ASTN2: variants seen among roughly 807,000 people sequenced by gnomAD.
ASTN2 encodes the protein astrotactin 2.
In ASTN2, 54 loss-of-function variants were observed where a neutral mutation model predicts 139.8. The ratio of observed to expected loss-of-function variants is 0.39; its 90% CI spans 0.31 to 0.48. ASTN2 has a LOEUF of 0.48. ASTN2 is among the 20% of genes least tolerant of loss of function. The pLI is 0.95. For synonymous variants in ASTN2, 756 were observed against 719.5 expected (o/e 1.05, Z -0.81); for missense variants, 1,565 against 1,725.1 (o/e 0.91, Z 1.64).
At chr9:116,612,009 T>C (rs907511804) in intron 19 of ASTN2, 2 of 152,170 alleles carry the variant, frequency 1.3e-5, no homozygotes, top group African/African-American at 4.8e-5. Flanking sequence ...GGTTGTTTTA[T>C]AATATGAAAA....
chr9:116,948,056 T>TA (rs1483400295), intron 10 of ASTN2, among the ~76,000 whole-genome samples: 2 of 152,256 alleles, frequency 1.3e-5, no homozygotes, highest in Admixed American at 6.5e-5. Context: ...GTTCAGGACT[T>TA]ACGTCTTCAG....
chr9:117,091,570 GA>G (rs1403970546), intron 5 of ASTN2, among the ~76,000 whole-genome samples: 2 of 149,182 alleles, frequency 1.3e-5, no homozygotes, highest in African/African-American at 4.8e-5. Context: ...GGTCTCACGT[GA>G]TGGGGGGGCA....
intron 19 of ASTN2, among the ~76,000 whole-genome samples, chr9:116,507,763 T>A (rs1459637725): frequency 6.6e-6 from 1 of 152,214 alleles, no homozygotes; most frequent in Non-Finnish European, 1.5e-5. Context: ...GCAAACTCGA[T>A]CCTCAGGTCC....
At chr9:116,810,683 G>A (rs528807282) in intron 12 of ASTN2, among the ~76,000 whole-genome samples, 1 of 152,088 alleles carries the variant, frequency 6.6e-6, no homozygotes, top group African/African-American at 2.4e-5. Flanking sequence ...GCATATATTT[G>A]CTCAGTTTGG....
intron 20 of ASTN2, among the ~76,000 whole-genome samples, chr9:116,459,681 C>G (rs963897700): frequency 1.3e-5 from 2 of 151,796 alleles, no homozygotes; most frequent in African/African-American, 4.8e-5. Flanking sequence ...TAGGAGAATG[C>G]AAATAAAAAC....
At chr9:117,286,830 C>A (rs931477967) in intron 2 of ASTN2, among the ~76,000 whole-genome samples, 1 of 152,070 alleles carries the variant, frequency 6.6e-6, no homozygotes, top group Non-Finnish European at 1.5e-5. Flanking sequence ...GACATGATAA[C>A]CCTCACTATA....
chr9:116,442,549 T>A lies in ASTN2; in HGVS notation c.3502A>T (p.Thr1168Ser). 1 of 1,613,862 alleles carries A rather than the reference T, an allele frequency of 6.2e-7. No individual in the cohort carries two copies. Among genetic ancestry groups the A allele is most frequent in the Non-Finnish European group, 8.5e-7 (1 of 1,179,924 alleles). ...CCTCGTGTATCCACAGCATACAGAG[T>A]GAACCTGCAGCACAGCAAGAAAACA... Reference protein sequence around the residue: ...CLEPDGLYKFTLYAVDTRGRH... With the variant: ...CLEPDGLYKFSLYAVDTRGRH... The change falls in exon 21 of 23, where the codon ACT (threonine) becomes TCT (serine). Residue 1168 changes from threonine (T) to serine (S), a missense_variant. By Grantham distance (58) the Thr-to-Ser change is moderately conservative. This residue lies in a region of ASTN2 where 418 missense variants were observed against 465.8 expected (regional missense o/e 0.90). Transcript: ENST00000313400.
intron 5 of ASTN2, among the ~76,000 whole-genome samples, chr9:117,063,018 T>G (rs1326635704): frequency 6.6e-6 from 1 of 152,194 alleles, no homozygotes; most frequent in Admixed American, 6.5e-5. Context: ...CCTCGGAAGC[T>G]AACCAACCTG....
At chr9:117,116,630 TTCTGGAAGGCAAC>T (rs2132801595) in intron 4 of ASTN2, among the ~76,000 whole-genome samples, 1 of 151,504 alleles carries the variant, frequency 6.6e-6, no homozygotes, top group East Asian at 1.9e-4. Context: ...AGAATGGTGA[TTCTGGAAGGCAAC>T]AGTGGAAGCT....
chr9:117,232,556 G>A (rs566095348), intron 2 of ASTN2, among the ~76,000 whole-genome samples: 1 of 152,124 alleles, frequency 6.6e-6, no homozygotes, highest in Admixed American at 6.5e-5. Flanking sequence ...ACCCATTTTT[G>A]CCAAGTCCTC....
chr9:116,471,361 T>C (rs1477590366), intron 20 of ASTN2, among the ~76,000 whole-genome samples: 2 of 152,144 alleles, frequency 1.3e-5, no homozygotes, highest in African/African-American at 4.8e-5. Flanking sequence ...AATCTGTGAA[T>C]GTTTCCCAGA....
chr9:117,384,142 G>A (rs1046520684), intron 1 of ASTN2, among the ~76,000 whole-genome samples: 9 of 152,136 alleles, frequency 5.9e-5, no homozygotes, highest in African/African-American at 1.4e-4. Context: ...GCGGGGTTGC[G>A]TGACTGCAAA....
intron 19 of ASTN2, among the ~76,000 whole-genome samples, chr9:116,606,460 G>C (rs1855211775): frequency 6.6e-6 from 1 of 152,164 alleles, no homozygotes; most frequent in African/African-American, 2.4e-5. Context: ...AGAGAGATCT[G>C]TGTAAGCACC....
At chr9:117,116,834 CAAAAAAAAAAAA>C (rs72075422) in intron 4 of ASTN2, among the ~76,000 whole-genome samples, 6 of 45,192 alleles carry the variant, frequency 1.3e-4, no homozygotes, top group Non-Finnish European at 1.8e-4. Context: ...TGGCATGAGC[CAAAAAAAAAAAA>C]AAAAAAAAAA....
chr9:117,262,405 AT>A, intron 2 of ASTN2, among the ~76,000 whole-genome samples: 1 of 69,998 alleles, frequency 1.4e-5, no homozygotes, highest in South Asian at 4.5e-4. Flanking sequence ...TTTTTTATTT[AT>A]TTATTTATTT....
chr9:116,973,460 C>T (rs1836266135), intron 10 of ASTN2, among the ~76,000 whole-genome samples: 1 of 152,184 alleles, frequency 6.6e-6, no homozygotes, highest in African/African-American at 2.4e-5. Flanking sequence ...GCAGCCCTAT[C>T]CAACTCCAGA....
chr9:117,238,827 C>T (rs552981504), intron 2 of ASTN2, among the ~76,000 whole-genome samples: 2 of 152,300 alleles, frequency 1.3e-5, no homozygotes, highest in Non-Finnish European at 2.9e-5. Context: ...CACCCAATAA[C>T]ACCCCAACAG....
chr9:117,410,504 G>T (rs756540894), intron 1 of ASTN2, among the ~76,000 whole-genome samples: 15 of 152,272 alleles, frequency 9.9e-5, no homozygotes, highest in South Asian at 8.3e-4. Context: ...TACACGAAAG[G>T]ATTATTTTAG....
At chr9:117,049,593 C>T (rs1587903748) in intron 5 of ASTN2, among the ~76,000 whole-genome samples, 1 of 152,308 alleles carries the variant, frequency 6.6e-6, no homozygotes, top group Non-Finnish European at 1.5e-5. Flanking sequence ...TTCTCAACTA[C>T]CTTGTAAGGC....
Sources: gnomAD v4.1 joint callset for allele counts (sites outside exome capture counted in the v4.1 genomes callset) on GRCh38, gnomAD v4.1.1 for gene constraint, gnomAD v4.1.1 regional missense constraint, MANE v1.5 for transcripts, NCBI Gene and HGNC (gene_info 2026-07-23, HGNC 2026-07-21) for gene names.